Variants in CHL1 observed in about 807,000 individuals in gnomAD.
CHL1 encodes neural cell adhesion molecule L1-like protein.
CHL1 carries 96 observed loss-of-function variants against 141.9 expected under a neutral mutation model. The ratio of observed to expected loss-of-function variants is 0.68; its 90% confidence interval spans 0.57 to 0.80. CHL1 has a LOEUF of 0.80. Among genes scored for constraint, CHL1 ranks in the 30% least tolerant of loss-of-function variants. The pLI, the probability that CHL1 is intolerant of heterozygous loss-of-function variation, is 0.00. For synonymous variants in CHL1, 613 were observed against 502.2 expected, an observed-to-expected ratio of 1.22 and a Z score of -2.95; for missense variants, 1,820 against 1,457.2, an observed-to-expected ratio of 1.25 and a Z score of -4.05.
At chr3:372,285 C>T (rs550714260) in intron 15 of CHL1, among the ~76,000 whole-genome samples, 1 of 152,118 alleles carries the variant, frequency 6.6e-6, no homozygotes, top group South Asian at 2.1e-4. Flanking sequence ...TCCCGTATTT[C>T]TTGAAGGCTT....
chr3:333,122 CTATTTTTTT>C (rs1176934827), intron 5 of CHL1, among the ~76,000 whole-genome samples: 2 of 14,308 alleles, frequency 1.4e-4, no homozygotes, highest in African/African-American at 2.6e-4. Context: ...GATAATTGCT[CTATTTTTTT>C]TATTTTTTTT....
intron 1 of CHL1, among the ~76,000 whole-genome samples, chr3:210,886 G>T (rs1261473109): frequency 6.6e-6 from 1 of 152,214 alleles, no homozygotes; most frequent in Non-Finnish European, 1.5e-5. Flanking sequence ...TGGCAAGGCT[G>T]AAGTGCCCTG....
chr3:281,819 C>G (rs796555876), intron 2 of CHL1, among the ~76,000 whole-genome samples: 11 of 152,312 alleles, frequency 7.2e-5, no homozygotes, highest in African/African-American at 2.6e-4. Context: ...CTTGGCCTCC[C>G]AAAGTGCTGG....
chr3:219,512 A>G (rs1486061242), intron 1 of CHL1, among the ~76,000 whole-genome samples: 6 of 152,234 alleles, frequency 3.9e-5, no homozygotes, highest in Admixed American at 3.3e-4. Flanking sequence ...CAGCCATTAA[A>G]AAAGAATGAG....
chr3:290,762 A>G (rs141424544), intron 2 of CHL1, among the ~76,000 whole-genome samples: 2 of 152,050 alleles, frequency 1.3e-5, no homozygotes, highest in Non-Finnish European at 2.9e-5. Context: ...AGCTGTAATC[A>G]CACACAAAAA....
At chr3:225,168 C>A (rs1158181020) in intron 1 of CHL1, among the ~76,000 whole-genome samples, 1 of 152,166 alleles carries the variant, frequency 6.6e-6, no homozygotes, top group Non-Finnish European at 1.5e-5. Context: ...TAGGTACTTA[C>A]AGACTAGAAG....
chr3:382,979 A>G (rs1474386719), intron 18 of CHL1, among the ~76,000 whole-genome samples: 2 of 152,204 alleles, frequency 1.3e-5, no homozygotes, highest in East Asian at 1.9e-4. Context: ...TTAAAATTCA[A>G]TATGTATGCA....
At chr3:366,476 A>G (rs1704904792) in intron 15 of CHL1, among the ~76,000 whole-genome samples, 1 of 152,022 alleles carries the variant, frequency 6.6e-6, no homozygotes, top group Non-Finnish European at 1.5e-5. Flanking sequence ...GTCTCAAAAA[A>G]AAAAAAAAAG....
At chr3:369,485 C>G (rs1302658565) in intron 15 of CHL1, among the ~76,000 whole-genome samples, 1 of 152,104 alleles carries the variant, frequency 6.6e-6, no homozygotes, top group African/African-American at 2.4e-5. Context: ...CTTATCAGTT[C>G]AAGGAGTTTT....
At chr3:402,110 C>T (rs1200881405) in intron 27 of CHL1, among the ~76,000 whole-genome samples, 1 of 152,160 alleles carries the variant, frequency 6.6e-6, no homozygotes, top group Non-Finnish European at 1.5e-5. Context: ...TCTAGATGAA[C>T]CTGATCAGCA....
intron 11 of CHL1, among the ~76,000 whole-genome samples, chr3:357,743 C>G (rs1703844954): frequency 6.6e-6 from 1 of 152,202 alleles, no homozygotes; most frequent in African/African-American, 2.4e-5. Flanking sequence ...CCCATGCCAA[C>G]AGGCAGATTT....
intron 5 of CHL1, among the ~76,000 whole-genome samples, chr3:332,720 T>C (rs148293560): frequency 3.9e-4 from 60 of 152,348 alleles, no homozygotes; most frequent in Middle Eastern, 6.8e-3. Flanking sequence ...TGTCCATGAA[T>C]TCTGGATTAG....
chr3:257,105 G>A (rs1229614889), intron 2 of CHL1, among the ~76,000 whole-genome samples: 1 of 152,090 alleles, frequency 6.6e-6, no homozygotes, highest in East Asian at 1.9e-4. Context: ...CCTCAAATAT[G>A]GAGGCATTAG....
At chr3:249,428 T>C (rs1047587359) in intron 2 of CHL1, among the ~76,000 whole-genome samples, 2 of 152,130 alleles carry the variant, frequency 1.3e-5, no homozygotes, top group Non-Finnish European at 2.9e-5. Flanking sequence ...AGAAGAAACA[T>C]GTCAAAGCTC....
chr3:383,044 A>G (rs940562363), intron 18 of CHL1, among the ~76,000 whole-genome samples: 6 of 152,196 alleles, frequency 3.9e-5, no homozygotes, highest in Non-Finnish European at 7.3e-5. Context: ...CTCAACATCA[A>G]TCTAAATTTC....
At chr3:242,574 T>A (rs543779977) in intron 1 of CHL1, among the ~76,000 whole-genome samples, 7 of 151,060 alleles carry the variant, frequency 4.6e-5, no homozygotes, top group East Asian at 3.9e-4. Context: ...CCAGCCTGGG[T>A]AACAGAGTGG....
intron 16 of CHL1, among the ~76,000 whole-genome samples, chr3:378,894 A>G (rs7633138): frequency 0.99 from 151,161 of 152,298 alleles, 75,026 homozygotes; most frequent in Middle Eastern, 1. Flanking sequence ...TTATTAAAAC[A>G]TTTTGGAACT....
intron 14 of CHL1, 31 bp from the exon 15 acceptor site, chr3:365,919 T>G: frequency 6.3e-7 from 1 of 1,589,310 alleles, no homozygotes; most frequent in Non-Finnish European, 8.6e-7. Flanking sequence ...TACGCTTAGT[T>G]CTAACTAATA....
rs1231269025 is a variant in CHL1 at position 390,722 on chromosome 3, T to C, written c.2492T>C (p.Ile831Thr). The change falls in exon 21 of 28, where the codon ATC becomes ACC. Residue 831 changes from isoleucine to threonine, a missense_variant. Ile to Thr is a moderately conservative substitution (Grantham distance 89, BLOSUM62 -1). Transcript: ENST00000256509. Reference sequence around the variant, plus strand: ...ACAGATCCTGATACAGCTCCAGTGATCCATGGGGTGGACGTTATAAACAGT... The same window carrying C: ...ACAGATCCTGATACAGCTCCAGTGACCCATGGGGTGGACGTTATAAACAGT... ...GEDYPDTAPV[I>T]HGVDVINSTL... 1 of 1,599,706 alleles carries C rather than the reference T, an allele frequency of 6.3e-7. No homozygotes were observed. Among genetic ancestry groups the C allele is most frequent in the African/African-American group, 1.3e-5 (1 of 74,632 alleles).
Sources: allele counts gnomAD v4.1 joint callset (sites outside exome capture counted in the v4.1 genomes callset), GRCh38; gene constraint gnomAD v4.1.1; transcripts MANE v1.5; gene names NCBI Gene and HGNC (gene_info 2026-07-23, HGNC 2026-07-21).